PRKCH: variants seen among roughly 807,000 people sequenced by gnomAD.
PRKCH encodes protein kinase C eta, also known as protein kinase C eta type.
Under a neutral mutation model 82.5 loss-of-function variants are expected in PRKCH, and 28 were observed. The ratio of observed to expected loss-of-function variants is 0.34; its 90% CI spans 0.25 to 0.47. The LOEUF (loss-of-function observed/expected upper bound fraction) is 0.47. Ranked by LOEUF, PRKCH falls within the 20% of genes least tolerant of loss-of-function variation. PRKCH has a pLI of 1.00. For synonymous variants in PRKCH, 322 were observed against 327.4 expected (o/e 0.98, Z 0.18); for missense variants, 705 against 881.8 (o/e 0.80, Z 2.54).
intron 9 of PRKCH, among the ~76,000 whole-genome samples, chr14:61,477,900 C>T (rs749023739): frequency 7.9e-5 from 12 of 152,130 alleles, no homozygotes; most frequent in East Asian, 1.9e-4. Flanking sequence ...GTTGCTGTTT[C>T]GGCTGCTGTT....
intron 1 of PRKCH, among the ~76,000 whole-genome samples, chr14:61,251,302 C>T (rs575110123): frequency 6.1e-4 from 92 of 151,998 alleles, no homozygotes; most frequent in Non-Finnish European, 9.9e-4. Context: ...AGGTCTTATT[C>T]GTTCTTTCTA....
intron 1 of PRKCH, among the ~76,000 whole-genome samples, chr14:61,308,754 G>A (rs1340634985): frequency 6.6e-6 from 1 of 151,952 alleles, no homozygotes. Flanking sequence ...TCAGCCTCCC[G>A]AGGAGCTAGG....
chr14:61,450,034 C>T (rs926322070), intron 5 of PRKCH, among the ~76,000 whole-genome samples: 3 of 152,040 alleles, frequency 2.0e-5, no homozygotes, highest in Admixed American at 2.0e-4. Flanking sequence ...TGACATTTAG[C>T]AGTAGATTTG....
chr14:61,498,411 GC>G (rs1181894966), intron 10 of PRKCH, among the ~76,000 whole-genome samples: 2 of 152,144 alleles, frequency 1.3e-5, no homozygotes, highest in Non-Finnish European at 2.9e-5. Context: ...GTTCTGTCAA[GC>G]CCCAGCCTCA....
intron 1 of PRKCH, among the ~76,000 whole-genome samples, chr14:61,359,363 A>T (rs2046193241): frequency 1.3e-5 from 2 of 152,196 alleles, no homozygotes; most frequent in South Asian, 4.1e-4. Flanking sequence ...GAAGTGTCAG[A>T]GTGTGTCTGA....
At chr14:61,187,576 T>C (rs1387497609) in exon 1 of PRKCH, 1 of 152,716 alleles carries the variant, frequency 6.5e-6, no homozygotes, top group East Asian at 1.9e-4. Flanking sequence ...TGCATGCTTA[T>C]CGGGGTGTAA....
At chr14:61,404,890 G>C (rs139624414) in intron 2 of PRKCH, among the ~76,000 whole-genome samples, 1,854 of 152,246 alleles carry the variant, frequency 0.012, 49 homozygotes, top group African/African-American at 0.042. Context: ...TTGAGGTCAG[G>C]GGAGGTGCCC....
chr14:61,276,698 A>G (rs1594886387), intron 1 of PRKCH, among the ~76,000 whole-genome samples: 1 of 24,678 alleles, frequency 4.1e-5, no homozygotes, highest in East Asian at 1.1e-3. Context: ...TGGACTTCTT[A>G]TATCCAAGGA....
At chr14:61,468,360 G>C (rs1885353286) in intron 9 of PRKCH, among the ~76,000 whole-genome samples, 1 of 152,084 alleles carries the variant, frequency 6.6e-6, no homozygotes, top group Admixed American at 6.5e-5. Context: ...TATTAATTGT[G>C]GATTTATTTC....
chr14:61,249,081 C>T (rs1207229859), intron 1 of PRKCH, among the ~76,000 whole-genome samples: 1 of 152,186 alleles, frequency 6.6e-6, no homozygotes, highest in African/African-American at 2.4e-5. Context: ...GGATTATAGG[C>T]ATGAGCCACT....
intron 10 of PRKCH, among the ~76,000 whole-genome samples, chr14:61,489,108 G>C (rs553691086): frequency 1.1e-4 from 17 of 152,242 alleles, no homozygotes; most frequent in African/African-American, 4.1e-4. Context: ...CACAGTAAAG[G>C]GCACATTTGG....
intron 9 of PRKCH, among the ~76,000 whole-genome samples, chr14:61,484,905 G>A (rs372995512): frequency 1.4e-5 from 2 of 146,458 alleles, no homozygotes; most frequent in African/African-American, 2.5e-5. Context: ...TTATTTTTTT[G>A]TATAGACAAC....
intron 2 of PRKCH, among the ~76,000 whole-genome samples, chr14:61,441,484 A>G (rs1047006837): frequency 1.3e-5 from 2 of 152,180 alleles, no homozygotes; most frequent in Non-Finnish European, 2.9e-5. Flanking sequence ...TTAAGAGGTA[A>G]AAATGTGATT....
At chr14:61,395,947 G>A (rs2046773302) in intron 2 of PRKCH, among the ~76,000 whole-genome samples, 1 of 152,014 alleles carries the variant, frequency 6.6e-6, no homozygotes, top group Non-Finnish European at 1.5e-5. Context: ...AGGTGTGGTG[G>A]TGCACACTTG....
intron 1 of PRKCH, among the ~76,000 whole-genome samples, chr14:61,272,167 G>A (rs1385922906): frequency 1.3e-5 from 2 of 151,752 alleles, no homozygotes; most frequent in Non-Finnish European, 1.5e-5. Flanking sequence ...GGCGGAGCTT[G>A]CAGTGAGCTG....
chr14:61,458,228 G>C (rs143437920), intron 9 of PRKCH, among the ~76,000 whole-genome samples: 1 of 152,230 alleles, frequency 6.6e-6, no homozygotes, highest in South Asian at 2.1e-4. Context: ...CTGTAATGGC[G>C]TGCGTTTAGG....
Position 61,473,993 on chromosome 14 carries a change from TAA to T in PRKCH, c.1279-11496_1279-11495del, listed in dbSNP as rs34413028. On this transcript the variant is annotated intron_variant, in intron 9 of 13. Transcript: ENST00000332981. The stretch of plus-strand genomic sequence containing the variant: ...TGGGCAACAGAGCGAGACTCTGTCT[TAA>T]AAAAAAAAAAAATCAAAAATCTTTT... 0.021 allele frequency among the ~76,000 whole-genome samples: 3,116 copies of T among 145,528 alleles called. 186 individuals are homozygous for T. The East Asian group carries it at 0.25, about 12-fold the overall frequency.
At chr14:61,281,211 C>T (rs775301534) in intron 1 of PRKCH, 10 of 1,072,918 alleles carry the variant, frequency 9.3e-6, no homozygotes, top group Non-Finnish European at 1.2e-5. Context: ...GGGCGCCTCC[C>T]TCTCCGCGCC....
rs546166930 is a variant in PRKCH, at chr14:61,257,302, C to T, written c.-19+69634C>T. 2.6e-5 allele frequency among the ~76,000 whole-genome samples: 4 copies of T among 152,016 alleles called. No homozygotes were observed. In the South Asian group the frequency reaches 6.2e-4, roughly 24 times the overall value. ...ACAGCTGGTAAAGAAAGCACGCAGG[C>T]CCAGCCAGAGGCGGCGAGGTCAGAG... is the stretch of plus-strand genomic sequence containing the variant. On this transcript the variant is annotated intron_variant, in intron 1 of 3. Transcript: ENST00000555185.
Sources: gnomAD v4.1 joint callset for allele counts (sites outside exome capture counted in the v4.1 genomes callset) on GRCh38, gnomAD v4.1.1 for gene constraint, MANE v1.5 for transcripts, NCBI Gene and HGNC (gene_info 2026-07-23, HGNC 2026-07-21) for gene names.